Variants in TANC2 observed in about 807,000 individuals in gnomAD.
TANC2 encodes protein TANC2.
In TANC2, 26 loss-of-function variants were observed where a neutral mutation model predicts 210.5. The observed-to-expected ratio is 0.12, with a 90% CI of 0.09 to 0.17. The LOEUF is 0.17. Ranked by LOEUF, TANC2 falls within the 10% of genes least tolerant of loss-of-function variation. The probability of loss-of-function intolerance (pLI) is 1.00; values close to 1 mark genes in which losing one functional copy is unlikely to be tolerated. For missense variants in TANC2, 2,129 were observed against 2,608.9 expected, an observed-to-expected ratio of 0.82 and a Z score of 4.01; for synonymous variants, 931 against 967.1, an observed-to-expected ratio of 0.96 and a Z score of 0.69.
chr17:63,237,144 G>C (rs1402179260), intron 7 of TANC2, among the ~76,000 whole-genome samples: 1 of 152,018 alleles, frequency 6.6e-6, no homozygotes, highest in East Asian at 1.9e-4. Context: ...CTCACCGTCT[G>C]TTATTTTTTG....
chr17:63,035,939 T>C (rs577443512), intron 2 of TANC2, among the ~76,000 whole-genome samples: 1 of 152,292 alleles, frequency 6.6e-6, no homozygotes, highest in South Asian at 2.1e-4. Context: ...TAATTTGCAT[T>C]TCTCTGATGG....
rs1270907628 is a variant in TANC2, at chr17:63,099,786, T to TG, written c.322+429_322+430insG. Among the ~76,000 whole-genome samples, 3 of 152,048 alleles carry TG rather than the reference T, an allele frequency of 2.0e-5. No homozygotes were observed. The South Asian group carries it at 6.2e-4, about 32-fold the overall frequency. ...AATTGCTATTTGTATATTTTATATA[T>TG]TTTTTTAAAAGATAATTTAGATATT... On this transcript the variant is annotated intron_variant, in intron 4 of 27. Transcript: ENST00000689528.
At chr17:63,062,281 GT>G (rs1415326241) in intron 2 of TANC2, among the ~76,000 whole-genome samples, 2 of 151,986 alleles carry the variant, frequency 1.3e-5, no homozygotes, top group Admixed American at 1.3e-4. Flanking sequence ...CTCTTTTGTT[GT>G]TTTTTTGTGA....
At chr17:63,327,418 C>T (rs9912690) in intron 11 of TANC2, among the ~76,000 whole-genome samples, 4,915 of 152,296 alleles carry the variant, frequency 0.032, 92 homozygotes, top group African/African-American at 0.046. Context: ...GATAGCCACA[C>T]GCCCATGTTC....
intron 4 of TANC2, among the ~76,000 whole-genome samples, chr17:63,103,783 T>C (rs2037721135): frequency 6.6e-6 from 1 of 152,222 alleles, no homozygotes; most frequent in Non-Finnish European, 1.5e-5. Context: ...CACTTTTTAA[T>C]GAGTAATAGC....
chr17:63,293,095 C>T (rs999867157), intron 9 of TANC2, among the ~76,000 whole-genome samples: 3 of 152,096 alleles, frequency 2.0e-5, no homozygotes, highest in African/African-American at 7.2e-5. Flanking sequence ...AATTGCTTTC[C>T]GTTCTTCAAA....
intron 1 of TANC2, among the ~76,000 whole-genome samples, chr17:62,989,197 AT>A (rs2032728881): frequency 6.6e-6 from 1 of 152,218 alleles, no homozygotes; most frequent in African/African-American, 2.4e-5. Flanking sequence ...CTTTTAAAAA[AT>A]TATCTGCAGT....
rs976083662 is a variant in TANC2 at position 63,398,873 on chromosome 17, G to A, written c.3290G>A (p.Arg1097Gln). Residue 1097 changes from arginine (R) to glutamine (Q), a missense_variant, in exon 19 of 28, where the codon CGA (arginine) becomes CAA (glutamine). Coordinates refer to ENST00000689528, the Ensembl canonical transcript of TANC2. ...GAAAAAGATGAAGAGGAAGTAGAGCGAGCACAGATCAACAGCTTTGACAGT... is the reference window on the plus strand; with the variant it reads ...GAAAAAGATGAAGAGGAAGTAGAGCAAGCACAGATCAACAGCTTTGACAGT... The A allele has an allele frequency of 6.3e-7, 1 of 1,598,338 alleles. No individual in the cohort carries two copies. The highest frequency in any genetic ancestry group is 1.1e-5 in the South Asian group (1 of 87,688).
chr17:63,273,707 T>C (rs2043789147), intron 9 of TANC2, among the ~76,000 whole-genome samples: 1 of 152,366 alleles, frequency 6.6e-6, no homozygotes, highest in East Asian at 1.9e-4. Context: ...CAACTACTTT[T>C]CACCTCCTTC....
At chr17:63,408,770 G>A (rs1469651271) in intron 21 of TANC2, among the ~76,000 whole-genome samples, 1 of 152,222 alleles carries the variant, frequency 6.6e-6, no homozygotes, top group Admixed American at 6.5e-5. Flanking sequence ...GCTGTGGCAG[G>A]TGCTAAGCTT....
At chr17:63,135,716 C>G (rs2039067368) in intron 4 of TANC2, among the ~76,000 whole-genome samples, 1 of 152,032 alleles carries the variant, frequency 6.6e-6, no homozygotes, top group African/African-American at 2.4e-5. Flanking sequence ...TTTATCATAG[C>G]TACTTTAAAA....
chr17:63,299,899 G>T (rs1184020366), intron 9 of TANC2, among the ~76,000 whole-genome samples: 1 of 151,978 alleles, frequency 6.6e-6, no homozygotes, highest in Non-Finnish European at 1.5e-5. Flanking sequence ...TTTCTTCTGG[G>T]GTTTTTATGG....
At position 63,384,300 on chromosome 17, in the gene TANC2, A is replaced by G. The variant is rs569212650; in HGVS notation, c.2692-4335A>G. On this transcript the variant is annotated intron_variant, in intron 15 of 27. Coordinates refer to ENST00000689528, the Ensembl canonical transcript of TANC2. ...TTGCCCAGGCTGGTCTTGAACTGCT[A>G]GTCTCAAGCCGTCCTCCCTCCTTGG... Among the ~76,000 whole-genome samples, 7 of 152,126 alleles carry G rather than the reference A, an allele frequency of 4.6e-5. No individual in the cohort carries two copies. The South Asian group carries it at 1.2e-3, about 27-fold the overall frequency.
In TANC2 at chr17:63,155,074, C is replaced by T. The variant is rs376679187; in HGVS notation, c.433+3694C>T. 4.6e-5 allele frequency: 7 copies of T among 152,086 alleles called. No individual in the cohort carries two copies. The South Asian group carries it at 1.0e-3, about 23-fold the overall frequency. 9.4% of individuals were successfully genotyped at this position (152,086 alleles called of 1,614,324 possible). On this transcript the variant is annotated intron_variant, in intron 5 of 27. Transcript: ENST00000689528. Reference sequence around the variant, plus strand: ...AGATTATATCTGGTTGGTGGCATTACAGGTGGTTTTAATTTTCTTTCTTGG... The same window carrying T: ...AGATTATATCTGGTTGGTGGCATTATAGGTGGTTTTAATTTTCTTTCTTGG...
intron 8 of TANC2, among the ~76,000 whole-genome samples, chr17:63,249,470 AGCAGGAAATGTTTGCTT>A (rs959928894): frequency 1.3e-5 from 2 of 152,150 alleles, no homozygotes; most frequent in African/African-American, 4.8e-5. Context: ...GGATGTGGGA[AGCAGGAAATGTTTGCTT>A]GCAACAGCTG....
intron 9 of TANC2, among the ~76,000 whole-genome samples, chr17:63,295,742 A>G (rs1034732506): frequency 3.9e-5 from 6 of 152,206 alleles, no homozygotes; most frequent in African/African-American, 7.2e-5. Context: ...ATATAATAGA[A>G]AAGGCCTGGA....
intron 2 of TANC2, among the ~76,000 whole-genome samples, chr17:63,069,750 C>A (rs2036329330): frequency 6.6e-6 from 1 of 152,110 alleles, no homozygotes; most frequent in Non-Finnish European, 1.5e-5. Flanking sequence ...TTTCATATCT[C>A]CTCTAGTAAT....
chr17:63,228,571 G>GT (rs1235919231), intron 7 of TANC2, among the ~76,000 whole-genome samples: 1 of 152,178 alleles, frequency 6.6e-6, no homozygotes, highest in Non-Finnish European at 1.5e-5. Flanking sequence ...AGCATGGAAT[G>GT]TTTTTCCATT....
At chr17:63,251,270 G>T (rs895886593) in intron 8 of TANC2, among the ~76,000 whole-genome samples, 1 of 152,164 alleles carries the variant, frequency 6.6e-6, no homozygotes, top group Non-Finnish European at 1.5e-5. Context: ...GATTGATTAG[G>T]AAAGCAAGGA....
Sources: gnomAD v4.1 joint callset for allele counts (sites outside exome capture counted in the v4.1 genomes callset) on GRCh38, gnomAD v4.1.1 for gene constraint, MANE v1.5 for transcripts, NCBI Gene and HGNC (gene_info 2026-07-23, HGNC 2026-07-21) for gene names.